TMEM71: variants seen among roughly 807,000 people sequenced by gnomAD.
TMEM71 encodes the protein transmembrane protein 71.
A neutral mutation model predicts 38.0 loss-of-function variants in TMEM71; 44 were observed. That is an observed-to-expected ratio of 1.16 (90% CI 0.91 to 1.49). TMEM71 has a LOEUF of 1.49. Among genes scored for constraint, TMEM71 ranks in the 40% most tolerant of loss-of-function variants. TMEM71 has a pLI of 0.00. For synonymous variants in TMEM71, 133 were observed against 122.5 expected, an observed-to-expected ratio of 1.09 and a Z score of -0.56; for missense variants, 367 against 348.6, an observed-to-expected ratio of 1.05 and a Z score of -0.42.
chr8:132,772,927 A>G, the TMEM71 span, among the ~76,000 whole-genome samples: 1 of 152,204 alleles, frequency 6.6e-6, no homozygotes, highest in Non-Finnish European at 1.5e-5. Flanking sequence ...GATATTTTAA[A>G]ATGAGATAGA....
rs1159622719 is a variant in TMEM71, at chr8:132,739,553, C to T, written c.487+7389G>A. On this transcript the variant is annotated intron_variant, in intron 5 of 9. Transcript: ENST00000677595. ...GTCTCGATCTCCTGACCTCGTGATC[C>T]GCCTGCCTCGGCCTCCCAAAGTGCT... is the stretch of plus-strand genomic sequence containing the variant. Among the ~76,000 whole-genome samples, 6 of 152,186 alleles carry T rather than the reference C, an allele frequency of 3.9e-5. No individual in the cohort carries two copies. The South Asian group carries it at 6.2e-4, about 16-fold the overall frequency.
intron 5 of TMEM71, among the ~76,000 whole-genome samples, chr8:132,746,464 C>CAT (rs1418705092): frequency 4.0e-4 from 7 of 17,636 alleles, no homozygotes; most frequent in Non-Finnish European, 8.4e-4. Context: ...TATATATATA[C>CAT]ATATATATAT....
chr8:132,710,674 G>A lies in TMEM71; in HGVS notation c.*293C>T, dbSNP rs1019185820. On this transcript the variant is annotated 3_prime_UTR_variant, in exon 10 of 10. Coordinates refer to ENST00000677595, the MANE Select transcript of TMEM71 (RefSeq NM_001382403.1). ...AGAACCACTGCCTTAAAGAATCATAGGGGGACATTTATTCCAGGCGGTCTC... is the reference window on the plus strand; with the variant it reads ...AGAACCACTGCCTTAAAGAATCATAAGGGGACATTTATTCCAGGCGGTCTC... The A allele has an allele frequency of 3.9e-5, 21 of 540,802 alleles. No homozygotes were observed. Among genetic ancestry groups the A allele is most frequent in the Admixed American group, 7.5e-5 (2 of 26,738 alleles). 33.5% of individuals were successfully genotyped at this position (540,802 alleles called of 1,614,324 possible).
chr8:132,747,042 C>A lies in TMEM71; in HGVS notation c.387G>T (p.Trp129Cys). 1 of 1,613,574 alleles carries A rather than the reference C, an allele frequency of 6.2e-7. No homozygotes were observed. The highest frequency in any genetic ancestry group is 8.5e-7 in the Non-Finnish European group (1 of 1,179,810). Residue 129 changes from tryptophan to cysteine, a missense_variant, in exon 5 of 10, where the codon TGG becomes TGT. Coordinates refer to ENST00000677595, the MANE Select transcript of TMEM71 (RefSeq NM_001382403.1). ...SLFNLSTSKS[W>C]LHGSIFGDIN... Reference sequence around the variant, plus strand: ...TGTCACCAAAGATACTTCCATGCAGCCAAGATTTGGAGGTACTGAGGTTGA... The same window carrying A: ...TGTCACCAAAGATACTTCCATGCAGACAAGATTTGGAGGTACTGAGGTTGA...
At chr8:132,746,319 AT>A (rs1442144698) in intron 5 of TMEM71, among the ~76,000 whole-genome samples, 2 of 148,654 alleles carry the variant, frequency 1.3e-5, no homozygotes, top group African/African-American at 4.9e-5. Flanking sequence ...TATATATTAT[AT>A]TTCAACAGTT....
chr8:132,754,279 T>C (rs2553609), intron 3 of TMEM71, among the ~76,000 whole-genome samples: 98,851 of 151,502 alleles, frequency 0.65, 33,842 homozygotes, highest in South Asian at 0.78. Flanking sequence ...ATCAAGTCTA[T>C]GGCCATACCA....
the TMEM71 span, chr8:132,775,431 A>C: frequency 3.4e-5 from 13 of 385,904 alleles, no homozygotes; most frequent in African/African-American, 1.9e-4. Context: ...CGGCGATGGC[A>C]GCGGACCCTG....
At chr8:132,733,247 C>A (rs1287699351) in intron 5 of TMEM71, among the ~76,000 whole-genome samples, 1 of 152,178 alleles carries the variant, frequency 6.6e-6, no homozygotes, top group Non-Finnish European at 1.5e-5. Flanking sequence ...CTGTCCCAGA[C>A]ACCAGCAATT....
intron 6 of TMEM71, among the ~76,000 whole-genome samples, chr8:132,724,330 G>T (rs549902321): frequency 6.6e-6 from 1 of 152,074 alleles, no homozygotes; most frequent in Non-Finnish European, 1.5e-5. Context: ...AACGGCATAG[G>T]ACAGACACTC....
chr8:132,763,426 A>G (rs1421098791), upstream of TMEM71, among the ~76,000 whole-genome samples: 2 of 152,214 alleles, frequency 1.3e-5, no homozygotes, highest in African/African-American at 4.8e-5. Flanking sequence ...ACTTGCCTTC[A>G]GAACCTTTAT....
At chr8:132,750,481 T>C (rs550098101) in intron 4 of TMEM71, among the ~76,000 whole-genome samples, 6 of 152,348 alleles carry the variant, frequency 3.9e-5, no homozygotes, top group African/African-American at 1.4e-4. Flanking sequence ...AACATTTTTC[T>C]GTAGTCCAAT....
intron 6 of TMEM71, among the ~76,000 whole-genome samples, chr8:132,723,207 G>T (rs1420653392): frequency 6.6e-6 from 1 of 152,184 alleles, no homozygotes; most frequent in Non-Finnish European, 1.5e-5. Flanking sequence ...TGTACATTGT[G>T]AATTCAGTTA....
chr8:132,752,608 C>T (rs995022340), intron 3 of TMEM71, among the ~76,000 whole-genome samples: 4 of 152,000 alleles, frequency 2.6e-5, no homozygotes, highest in African/African-American at 9.7e-5. Context: ...GTGGCATGTG[C>T]CTATAGTCCC....
intron 5 of TMEM71, among the ~76,000 whole-genome samples, chr8:132,744,963 A>T (rs1481922651): frequency 2.0e-5 from 3 of 152,196 alleles, no homozygotes; most frequent in Admixed American, 2.0e-4. Context: ...GAGCTGGGAT[A>T]GCTATATGCA....
chr8:132,732,854 A>G (rs1827536021), intron 5 of TMEM71, among the ~76,000 whole-genome samples: 1 of 152,168 alleles, frequency 6.6e-6, no homozygotes, highest in Non-Finnish European at 1.5e-5. Context: ...GGATGCTATT[A>G]AACACCCAAC....
intron 7 of TMEM71, among the ~76,000 whole-genome samples, chr8:132,716,169 G>A (rs1476755446): frequency 3.3e-5 from 5 of 152,208 alleles, no homozygotes; most frequent in African/African-American, 4.8e-5. Flanking sequence ...GCCCCCCTGT[G>A]CCTGCAGGCT....
Position 132,722,040 on chromosome 8 carries a change from C to T in TMEM71, c.752G>A (p.Arg251Lys). Reference protein sequence around the residue: ...AVCLIISACARWFMGEILASV... With the variant: ...AVCLIISACAKWFMGEILASV... Reference sequence around the variant, plus strand: ...TGCATGAAAATAAAACGTGAATTACCTTGCACATGCAGAAATGATTAAGCA... The same window carrying T: ...TGCATGAAAATAAAACGTGAATTACTTTGCACATGCAGAAATGATTAAGCA... Residue 251 changes from arginine to lysine, a missense_variant and splice_region_variant, in exon 7 of 10, where the codon AGA (arginine) becomes AAA (lysine). Transcript: ENST00000677595. The T allele has an allele frequency of 1.9e-6, 3 of 1,612,962 alleles. No homozygotes were observed. Among genetic ancestry groups the T allele is most frequent in the African/African-American group, 2.7e-5 (2 of 74,968 alleles).
At position 132,727,973 on chromosome 8, in the gene TMEM71, G is replaced by A. The variant is rs779879728; in HGVS notation, c.501C>T (p.Asp167=). 6.8e-6 allele frequency: 11 copies of A among 1,612,016 alleles called. No individual in the cohort carries two copies. Among genetic ancestry groups the A allele is most frequent in the African/African-American group, 1.3e-5 (1 of 74,686 alleles). ...DHCNGNADDL[D]CSSLTDDWES... ...CCCAGTCATCAGTCAGAGAAGAACAGTCTAAATCATCTGCTGAAAAAGCAG... is the reference window on the plus strand; with the variant it reads ...CCCAGTCATCAGTCAGAGAAGAACAATCTAAATCATCTGCTGAAAAAGCAG... Residue 167 remains aspartate (D), a synonymous_variant, in exon 6 of 10, where the codon GAC becomes GAT. Transcript: ENST00000677595.
At chr8:132,748,651 G>A (rs1224697893) in intron 4 of TMEM71, among the ~76,000 whole-genome samples, 2 of 152,118 alleles carry the variant, frequency 1.3e-5, no homozygotes, top group East Asian at 1.9e-4. Flanking sequence ...GAATAAAAAG[G>A]AATTAGTAAT....
Sources: allele counts gnomAD v4.1 joint callset (sites outside exome capture counted in the v4.1 genomes callset), GRCh38; gene constraint gnomAD v4.1.1; transcripts MANE v1.5; gene names NCBI Gene and HGNC (gene_info 2026-07-23, HGNC 2026-07-21).